The following SDK1 variants were observed in gnomAD, a reference collection of about 807,000 sequenced individuals.
SDK1 encodes sidekick cell adhesion molecule 1.
SDK1 carries 157 observed loss-of-function variants against 245.5 expected under a neutral mutation model. The ratio of observed to expected loss-of-function variants is 0.64; its 90% CI spans 0.56 to 0.73. The LOEUF is 0.73. Ranked by LOEUF, SDK1 falls within the 30% of genes least tolerant of loss-of-function variation. SDK1 has a pLI of 0.00. For synonymous variants in SDK1, 1,647 were observed against 1,278.5 expected (o/e 1.29, Z -6.15); for missense variants, 3,583 against 3,002.3 (o/e 1.19, Z -4.52).
intron 1 of SDK1, among the ~76,000 whole-genome samples, chr7:3,351,601 C>A (rs1395530476): frequency 1.3e-5 from 2 of 152,128 alleles, no homozygotes; most frequent in African/African-American, 4.8e-5. Context: ...AATTTTATTT[C>A]AGGCTCACTT....
At chr7:3,703,860 A>C (rs1009004806) in intron 4 of SDK1, among the ~76,000 whole-genome samples, 1 of 152,166 alleles carries the variant, frequency 6.6e-6, no homozygotes, top group Admixed American at 6.6e-5. Context: ...TGTTGGCATC[A>C]ACCAATATTT....
At chr7:3,559,757 C>T (rs1005371383) in intron 1 of SDK1, among the ~76,000 whole-genome samples, 4 of 127,566 alleles carry the variant, frequency 3.1e-5, no homozygotes, top group South Asian at 2.4e-4. Context: ...TGTATTTTTT[C>T]AAAAAAAAAA....
chr7:3,490,827 G>T (rs1283855072), intron 1 of SDK1, among the ~76,000 whole-genome samples: 2 of 152,144 alleles, frequency 1.3e-5, no homozygotes, highest in African/African-American at 4.8e-5. Context: ...TCTCCTTTTA[G>T]TATATACTCT....
chr7:3,870,125 C>T (rs1003870195), intron 5 of SDK1, among the ~76,000 whole-genome samples: 1 of 152,140 alleles, frequency 6.6e-6, no homozygotes, highest in Non-Finnish European at 1.5e-5. Flanking sequence ...AAGCCTTGGT[C>T]AGCATTCAGG....
intron 35 of SDK1, among the ~76,000 whole-genome samples, chr7:4,193,024 A>T (rs895869252): frequency 2.1e-5 from 3 of 143,604 alleles, no homozygotes; most frequent in African/African-American, 7.6e-5. Flanking sequence ...AAAAATATAT[A>T]ATATAGATTA....
At chr7:3,474,238 G>A (rs1447238731) in intron 1 of SDK1, among the ~76,000 whole-genome samples, 1 of 151,364 alleles carries the variant, frequency 6.6e-6, no homozygotes, top group Non-Finnish European at 1.5e-5. Context: ...AAGTAGTGGT[G>A]GCGTGCGCCA....
intron 1 of SDK1, among the ~76,000 whole-genome samples, chr7:3,450,316 A>T (rs1283744648): frequency 1.3e-5 from 2 of 152,212 alleles, no homozygotes; most frequent in African/African-American, 4.8e-5. Flanking sequence ...TGGTCTCTTC[A>T]CTGCTGTTTA....
At chr7:4,073,434 A>T (rs1039555134) in intron 20 of SDK1, among the ~76,000 whole-genome samples, 4 of 152,200 alleles carry the variant, frequency 2.6e-5, no homozygotes, top group Admixed American at 1.3e-4. Context: ...TATATTATCA[A>T]TGTTGATCCT....
intron 1 of SDK1, among the ~76,000 whole-genome samples, chr7:3,499,942 C>G (rs774442943): frequency 2.6e-5 from 4 of 152,110 alleles, no homozygotes; most frequent in African/African-American, 4.8e-5. Context: ...AAGGAATGTC[C>G]TCAGCTGATA....
chr7:3,782,131 A>T (rs965394736), intron 4 of SDK1, among the ~76,000 whole-genome samples: 1 of 152,266 alleles, frequency 6.6e-6, no homozygotes, highest in East Asian at 1.9e-4. Context: ...TCATGGGCTC[A>T]TGGTTCTGCA....
chr7:3,619,458 G>T (rs1229080731), intron 2 of SDK1, among the ~76,000 whole-genome samples: 1 of 152,178 alleles, frequency 6.6e-6, no homozygotes, highest in Non-Finnish European at 1.5e-5. Context: ...ATTTGTAAAA[G>T]TAAGCCCATT....
At chr7:4,057,721 C>A (rs963237830) in intron 19 of SDK1, among the ~76,000 whole-genome samples, 1 of 152,158 alleles carries the variant, frequency 6.6e-6, no homozygotes, top group Non-Finnish European at 1.5e-5. Context: ...GTGTCCCTGT[C>A]CCCAGCAAAA....
intron 1 of SDK1, among the ~76,000 whole-genome samples, chr7:3,520,033 GGAAA>G (rs1466273019): frequency 9.2e-5 from 14 of 152,112 alleles, no homozygotes; most frequent in African/African-American, 3.4e-4. Flanking sequence ...TCTGCATTTG[GGAAA>G]GAAAGGTTAT....
chr7:4,135,819 G>A (rs1411089146), intron 28 of SDK1, among the ~76,000 whole-genome samples: 3 of 152,208 alleles, frequency 2.0e-5, no homozygotes, highest in Non-Finnish European at 4.4e-5. Context: ...CCTGGCACCA[G>A]AGGAGGCTGG....
At chr7:3,390,443 A>G (rs1339697978) in intron 1 of SDK1, among the ~76,000 whole-genome samples, 3 of 152,174 alleles carry the variant, frequency 2.0e-5, no homozygotes, top group Non-Finnish European at 4.4e-5. Flanking sequence ...TGCACAATTG[A>G]TCTGGAAGCA....
chr7:3,396,212 C>A (rs1442404104), intron 1 of SDK1, among the ~76,000 whole-genome samples: 1 of 151,768 alleles, frequency 6.6e-6, no homozygotes, highest in South Asian at 2.1e-4. Context: ...AAAAATTTTT[C>A]TTTGACCCGT....
Position 4,138,597 on chromosome 7 carries a change from A to C in SDK1, c.4228+6174A>C, listed in dbSNP as rs180911363. On this transcript the variant is annotated intron_variant, in intron 28 of 44. Transcript: ENST00000404826. Reference sequence around the variant, plus strand: ...CCCCGTTTCTACTAAAAATACAAAAATTAGCTGGGCATGTTGGCACACACC... The same window carrying C: ...CCCCGTTTCTACTAAAAATACAAAACTTAGCTGGGCATGTTGGCACACACC... 1.8e-3 allele frequency among the ~76,000 whole-genome samples: 269 copies of C among 152,120 alleles called. 3 individuals are homozygous for C. The highest frequency in any genetic ancestry group is 0.015 in the East Asian group (79 of 5,152).
intron 19 of SDK1, among the ~76,000 whole-genome samples, chr7:4,055,282 A>C (rs1779125427): frequency 1.3e-5 from 2 of 152,278 alleles, no homozygotes; most frequent in Non-Finnish European, 2.9e-5. Context: ...TGGTTTTAGG[A>C]CTATCCAGGT....
At chr7:3,514,361 C>A (rs965730173) in intron 1 of SDK1, among the ~76,000 whole-genome samples, 2 of 152,114 alleles carry the variant, frequency 1.3e-5, no homozygotes, top group African/African-American at 4.8e-5. Flanking sequence ...TTAAAACACC[C>A]AAATATATCT....
Sources: allele counts gnomAD v4.1 joint callset (sites outside exome capture counted in the v4.1 genomes callset), GRCh38; gene constraint gnomAD v4.1.1; transcripts MANE v1.5; gene names NCBI Gene and HGNC (gene_info 2026-07-23, HGNC 2026-07-21).